BRPF1: variants seen among roughly 807,000 people sequenced by gnomAD.
BRPF1 encodes the protein bromodomain and PHD finger containing 1, also known as peregrin.
BRPF1 carries 15 observed loss-of-function variants against 115.0 expected under a neutral mutation model. That is an observed-to-expected ratio of 0.13 (90% CI 0.09 to 0.20). The LOEUF is 0.20. BRPF1 is among the 10% of genes least tolerant of loss of function. The pLI, the probability that BRPF1 is intolerant of heterozygous loss-of-function variation, is 1.00. For synonymous variants in BRPF1, 647 were observed against 619.8 expected (o/e 1.04, Z -0.65); for missense variants, 1,118 against 1,638.3 (o/e 0.68, Z 5.48).
In BRPF1 at chr3:9,746,000, C is replaced by A. The variant is rs1182066300; in HGVS notation, c.3324+70C>A. 2.0e-6 allele frequency: 3 copies of A among 1,515,160 alleles called. No individual in the cohort carries two copies. The highest frequency in any genetic ancestry group is 2.7e-5 in the African/African-American group (2 of 72,876). 93.9% of individuals were successfully genotyped at this position (1,515,160 alleles called of 1,614,324 possible). ...ACAGATTCACAGTTAGCAGACTTTT[C>A]CTACTCCCTGCTGAGCTGTGGGGCA... is the stretch of plus-strand genomic sequence containing the variant. On this transcript the variant is annotated intron_variant, in intron 12 of 13. Transcript: ENST00000383829. The surrounding 1 kb of genome is among the most constrained non-coding windows in gnomAD (Gnocchi z 5.1).
chr3:9,732,180 G>A (rs2076863384), intron 1 of BRPF1, 42 bp downstream of exon 1: 1 of 152,602 alleles, frequency 6.6e-6, no homozygotes. Flanking sequence ...GGCCGGCAGG[G>A]AAGGGGTAGG....
Position 9,743,663 on chromosome 3 carries a change from G to A in BRPF1, c.2397G>A (p.Leu799=), listed in dbSNP as rs1297929036. The A allele has an allele frequency of 6.2e-7, 1 of 1,614,044 alleles. No individual in the cohort carries two copies. The highest frequency in any genetic ancestry group is 2.2e-5 in the East Asian group (1 of 44,896). Reference sequence around the variant, plus strand: ...AGCTAAAGCTGCTTCTGGAGCGGCTGGACGAAGTGAATGCCAGCAAGCAGA... The same window carrying A: ...AGCTAAAGCTGCTTCTGGAGCGGCTAGACGAAGTGAATGCCAGCAAGCAGA... ...EEQLKLLLER[L]DEVNASKQSV... The change falls in exon 8 of 14, where the codon CTG becomes CTA. Residue 799 remains leucine (L), a synonymous_variant. Transcript: ENST00000383829. This position sits in a 1 kb window ranked among gnomAD's most constrained non-coding sequence, Gnocchi z 6.1.
Position 9,743,446 on chromosome 3 carries a change from G to A in BRPF1, c.2312-132G>A. The stretch of plus-strand genomic sequence containing the variant: ...GCAGTGCCCGCCATTCCACATCTTG[G>A]TGCTGCTATTTTACAGCTGTTCCTG... On this transcript the variant is annotated intron_variant, in intron 7 of 13. Coordinates refer to ENST00000383829, the MANE Select transcript of BRPF1 (RefSeq NM_001003694.2). This position sits in a 1 kb window ranked among gnomAD's most constrained non-coding sequence, Gnocchi z 6.1. The A allele has an allele frequency of 8.1e-7, 1 of 1,235,734 alleles. No homozygotes were observed. Among genetic ancestry groups the A allele is most frequent in the Non-Finnish European group, 1.1e-6 (1 of 886,896 alleles). 76.5% of individuals were successfully genotyped at this position (1,235,734 alleles called of 1,614,324 possible). A position where few individuals can be genotyped will look rare whatever the true frequency, so the allele number is the denominator to read the frequency against.
chr3:9,739,838 C>T lies in BRPF1; in HGVS notation c.1439C>T (p.Ser480Leu), dbSNP rs1447253236. Residue 480 changes from serine (S) to leucine (L), a missense_variant, in exon 3 of 14, where the codon TCA becomes TTA. Ser to Leu is a moderately radical substitution (Grantham distance 145, BLOSUM62 -2). This residue lies in a region of BRPF1 where 87 missense variants were observed against 93.4 expected (regional missense o/e 0.93). Transcript: ENST00000383829. ...GAGGATGAGGGTAAGGGCTGGAGCT[C>T]AGAGAAAGTCAAGAAGGCCAAGGCC... Reference protein sequence around the residue: ...EEEDEGKGWSSEKVKKAKAKS... With the variant: ...EEEDEGKGWSLEKVKKAKAKS... 1 of 1,597,230 alleles carries T rather than the reference C, an allele frequency of 6.3e-7. No individual in the cohort carries two copies. Among genetic ancestry groups the T allele is most frequent in the Non-Finnish European group, 8.5e-7 (1 of 1,171,818 alleles).
At chr3:9,735,829 C>G (rs1460383689) in intron 2 of BRPF1, among the ~76,000 whole-genome samples, 1 of 152,128 alleles carries the variant, frequency 6.6e-6, no homozygotes, top group African/African-American at 2.4e-5. Context: ...TGTAAAACCT[C>G]TCTGAAAGTT....
chr3:9,746,029 AGTTTCTTG>A (rs1291698033), intron 12 of BRPF1, 99 bp downstream of exon 12: 1 of 1,375,466 alleles, frequency 7.3e-7, no homozygotes, highest in African/African-American at 1.4e-5. Flanking sequence ...TGGGGCACAG[AGTTTCTTG>A]GTAAGGTAGA....
At position 9,739,326 on chromosome 3, in the gene BRPF1, T is replaced by C; in HGVS notation, c.927T>C (p.Tyr309=). ...AVHQECYGVP[Y]IPEGQWLCRR... is the part of the protein sequence containing the mutation. ...ACCAGGAGTGCTACGGTGTCCCCTA[T>C]ATCCCTGAGGGCCAGTGGCTGTGCC... is the stretch of plus-strand genomic sequence containing the variant. The change falls in exon 3 of 14, where the codon TAT becomes TAC. Residue 309 remains tyrosine (Y), a synonymous_variant. Coordinates refer to ENST00000383829, the MANE Select transcript of BRPF1 (RefSeq NM_001003694.2). 2 of 1,614,226 alleles carry C rather than the reference T, an allele frequency of 1.2e-6. No homozygotes were observed. Among genetic ancestry groups the C allele is most frequent in the Non-Finnish European group, 1.7e-6 (2 of 1,180,042 alleles).
chr3:9,736,474 G>A (rs930901207), intron 2 of BRPF1, among the ~76,000 whole-genome samples: 2 of 151,932 alleles, frequency 1.3e-5, no homozygotes, highest in African/African-American at 4.8e-5. Flanking sequence ...TCTCTTTTCT[G>A]TTCACACTGA....
In BRPF1 at chr3:9,744,107, G is replaced by A. The variant is rs2077080496; in HGVS notation, c.2636-117G>A. On this transcript the variant is annotated intron_variant, in intron 8 of 13. Coordinates refer to ENST00000383829, the MANE Select transcript of BRPF1 (RefSeq NM_001003694.2). Reference sequence around the variant, plus strand: ...CTTCCAAATTCCAAGCCCCTAAAATGATCTCCCCAACGTTAGCTGGAGTAA... The same window carrying A: ...CTTCCAAATTCCAAGCCCCTAAAATAATCTCCCCAACGTTAGCTGGAGTAA... The A allele has an allele frequency of 2.2e-6, 3 of 1,358,836 alleles. No individual in the cohort carries two copies. In the South Asian group the frequency reaches 4.6e-5, roughly 21 times the overall value. 84.2% of individuals were successfully genotyped at this position (1,358,836 alleles called of 1,614,324 possible).
rs1227442684 is a variant in BRPF1 at position 9,746,581 on chromosome 3, TAGAACA to T, written c.3479+128_3479+133del. On this transcript the variant is annotated intron_variant, in intron 13 of 13. Transcript: ENST00000383829. Reference sequence around the variant, plus strand: ...ATCACAAGTCAGTGGGGGAGGGACTTAGAACAGTTTTTTGAGCGAAAGGGTTGTGTC... The same window carrying T: ...ATCACAAGTCAGTGGGGGAGGGACTTGTTTTTTGAGCGAAAGGGTTGTGTC... 5 of 1,198,438 alleles carry T rather than the reference TAGAACA, an allele frequency of 4.2e-6. No individual in the cohort carries two copies. The East Asian group carries it at 1.1e-4, about 26-fold the overall frequency. The allele number at this position is 1,198,438 out of a possible 1,614,324, so 74.2% of individuals were successfully genotyped here.
intron 2 of BRPF1, among the ~76,000 whole-genome samples, chr3:9,737,269 C>T (rs4358283): frequency 2.0e-5 from 3 of 152,180 alleles, no homozygotes; most frequent in Non-Finnish European, 2.9e-5. Context: ...CCACTTCTAT[C>T]GTGTAGTGGA....
intron 2 of BRPF1, among the ~76,000 whole-genome samples, chr3:9,737,812 G>A (rs992386692): frequency 1.3e-5 from 2 of 152,166 alleles, no homozygotes; most frequent in Non-Finnish European, 2.9e-5. Context: ...AGCCTGATGG[G>A]GTAGTAGGCA....
In BRPF1 at chr3:9,747,733, T is replaced by C. The variant is rs1418452134; in HGVS notation, c.*384T>C. 5.6e-6 allele frequency: 1 copy of C among 178,602 alleles called. No individual in the cohort carries two copies. Among genetic ancestry groups the C allele is most frequent in the African/African-American group, 2.3e-5 (1 of 42,746 alleles). The allele number at this position is 178,602 out of a possible 1,614,324, so 11.1% of individuals were successfully genotyped here. On this transcript the variant is annotated 3_prime_UTR_variant, in exon 14 of 14. Coordinates refer to ENST00000383829, the MANE Select transcript of BRPF1 (RefSeq NM_001003694.2). This position sits in a 1 kb window ranked among gnomAD's most constrained non-coding sequence, Gnocchi z 5.6. ...CCTGGGGCCCCTACCGGTCGTGAGG[T>C]GAGTGGGCATCTGTCCAGCCTGGAA... is the stretch of plus-strand genomic sequence containing the variant.
intron 8 of BRPF1, 112 bp from the exon 9 acceptor site, chr3:9,744,112 C>T (rs780378019): frequency 7.3e-7 from 1 of 1,373,286 alleles, no homozygotes. Flanking sequence ...AAAATGATCT[C>T]CCCAACGTTA....
At position 9,745,785 on chromosome 3, in the gene BRPF1, C is replaced by T. The variant is rs747063494; in HGVS notation, c.3206-27C>T. 3.1e-6 allele frequency: 5 copies of T among 1,611,574 alleles called. No homozygotes were observed. The highest frequency in any genetic ancestry group is 3.3e-5 in the Admixed American group (2 of 59,980). On this transcript the variant is annotated intron_variant, in intron 11 of 13. Coordinates refer to ENST00000383829, the MANE Select transcript of BRPF1 (RefSeq NM_001003694.2). The surrounding 1 kb of genome is among the most constrained non-coding windows in gnomAD (Gnocchi z 5.1). ...CTCGCCAGCCCCCCAGCTGCTGATC[C>T]ACCCCCTCTCCCCCATTCCTGTGAA...
At chr3:9,737,250 A>T (rs1247318871) in intron 2 of BRPF1, among the ~76,000 whole-genome samples, 1 of 152,230 alleles carries the variant, frequency 6.6e-6, no homozygotes, top group Non-Finnish European at 1.5e-5. Context: ...GGCGAATCAG[A>T]CACAATCCCC....
chr3:9,737,351 AT>A lies in BRPF1; in HGVS notation c.600-1645del, dbSNP rs1291578009. Reference sequence around the variant, plus strand: ...GCCATACAAAAACTAATAAGTTAACATTTATTGAGTGCTTGCTGCACACCAG... The same window carrying A: ...GCCATACAAAAACTAATAAGTTAACATTATTGAGTGCTTGCTGCACACCAG... On this transcript the variant is annotated intron_variant, in intron 2 of 13. Coordinates refer to ENST00000383829, the MANE Select transcript of BRPF1 (RefSeq NM_001003694.2). Among the ~76,000 whole-genome samples the A allele has an allele frequency of 2.8e-4, 43 of 152,366 alleles. 1 individual carries two copies. Among genetic ancestry groups the A allele is most frequent in the African/African-American group, 9.9e-4 (41 of 41,586 alleles).
At chr3:9,737,135 G>C (rs1056592559) in intron 2 of BRPF1, among the ~76,000 whole-genome samples, 3 of 152,300 alleles carry the variant, frequency 2.0e-5, no homozygotes, top group Middle Eastern at 3.4e-3. Context: ...AGAGGTAAAA[G>C]GCTAAAAAGG....
In BRPF1 at chr3:9,743,236, C is replaced by G. The variant is rs761575710; in HGVS notation, c.2294C>G (p.Thr765Arg). The G allele has an allele frequency of 6.8e-6, 11 of 1,613,280 alleles. No individual in the cohort carries two copies. Among genetic ancestry groups the G allele is most frequent in the African/African-American group, 1.3e-5 (1 of 74,938 alleles). ...CACAGCCTGGCTGGAGATGAGGCCA[C>G]ACACCACACTGAAGATGGTGGGTGA... Reference protein sequence around the residue: ...IPHSLAGDEATHHTEDAAEEE... With the variant: ...IPHSLAGDEARHHTEDAAEEE... The change falls in exon 7 of 14, where the codon ACA (threonine) becomes AGA (arginine). Residue 765 changes from threonine (T) to arginine (R), a missense_variant. By Grantham distance (71) the Thr-to-Arg change is moderately conservative. This residue lies in a region of BRPF1 where 223 missense variants were observed against 240.7 expected (regional missense o/e 0.93). Coordinates refer to ENST00000383829, the MANE Select transcript of BRPF1 (RefSeq NM_001003694.2). This position sits in a 1 kb window ranked among gnomAD's most constrained non-coding sequence, Gnocchi z 6.1.
Sources: allele counts gnomAD v4.1 joint callset (sites outside exome capture counted in the v4.1 genomes callset), GRCh38; gene constraint gnomAD v4.1.1; regional missense constraint gnomAD v4.1.1; non-coding constraint Gnocchi (gnomAD v3.1); transcripts MANE v1.5; gene names NCBI Gene and HGNC (gene_info 2026-07-23, HGNC 2026-07-21).